The following AHI1 variants were observed in gnomAD, a reference collection of about 807,000 sequenced individuals.
AHI1 encodes the protein jouberin.
AHI1 carries 123 observed loss-of-function variants against 149.3 expected under a neutral mutation model. The observed-to-expected ratio is 0.82, with a 90% CI of 0.71 to 0.96. AHI1 has a LOEUF of 0.96. AHI1 is among the 40% of genes least tolerant of loss of function. The pLI, the probability that AHI1 is intolerant of heterozygous loss-of-function variation, is 0.00. For missense variants in AHI1, 1,439 were observed against 1,422.7 expected (o/e 1.01, Z -0.18); for synonymous variants, 475 against 459.8 (o/e 1.03, Z -0.42).
At chr6:135,344,558 C>T (rs1790876782) in intron 24 of AHI1, among the ~76,000 whole-genome samples, 1 of 151,792 alleles carries the variant, frequency 6.6e-6, no homozygotes, top group African/African-American at 2.4e-5. Flanking sequence ...TGCAGAATGC[C>T]TATAGCTATG....
intron 22 of AHI1, among the ~76,000 whole-genome samples, chr6:135,402,166 A>G (rs1162093503): frequency 6.6e-6 from 1 of 152,214 alleles, no homozygotes; most frequent in Non-Finnish European, 1.5e-5. Context: ...AGAAGAGAAT[A>G]CAAGTGTTGG....
At chr6:135,367,126 T>C (rs1774303171) in intron 23 of AHI1, among the ~76,000 whole-genome samples, 1 of 152,216 alleles carries the variant, frequency 6.6e-6, no homozygotes, top group Non-Finnish European at 1.5e-5. Flanking sequence ...TGAAGCTTAG[T>C]TCCTCTGGAT....
chr6:135,383,640 GAA>G (rs925216703), intron 23 of AHI1, among the ~76,000 whole-genome samples: 1 of 150,142 alleles, frequency 6.7e-6, no homozygotes, highest in Non-Finnish European at 1.5e-5. Flanking sequence ...TGTATTATCA[GAA>G]AAAAAAAGTT....
intron 8 of AHI1, among the ~76,000 whole-genome samples, chr6:135,460,097 C>T (rs1278485686): frequency 1.3e-5 from 2 of 151,968 alleles, no homozygotes; most frequent in East Asian, 1.9e-4. Flanking sequence ...GTGGGAAGAT[C>T]GCTTGAACCT....
At chr6:135,377,628 TA>T (rs1214389308) in intron 23 of AHI1, among the ~76,000 whole-genome samples, 4 of 151,978 alleles carry the variant, frequency 2.6e-5, no homozygotes, top group African/African-American at 9.7e-5. Flanking sequence ...TACAGGCATG[TA>T]CCACCACACT....
At chr6:135,476,470 G>A (rs117497985) in intron 5 of AHI1, among the ~76,000 whole-genome samples, 2,014 of 151,016 alleles carry the variant, frequency 0.013, 24 homozygotes, top group Middle Eastern at 0.037. Context: ...GTGTTTGTTG[G>A]GTACAATGTT....
intron 11 of AHI1, among the ~76,000 whole-genome samples, chr6:135,450,672 T>C (rs1488014864): frequency 6.6e-6 from 1 of 152,222 alleles, no homozygotes; most frequent in Non-Finnish European, 1.5e-5. Context: ...ATACTTTCCA[T>C]AGATTAATTT....
At chr6:135,344,419 AT>A (rs1157448911) in intron 24 of AHI1, among the ~76,000 whole-genome samples, 1 of 150,990 alleles carries the variant, frequency 6.6e-6, no homozygotes. Flanking sequence ...TTTACAATTT[AT>A]TTTTATATAC....
chr6:135,363,892 G>T (rs1402147756), intron 23 of AHI1, among the ~76,000 whole-genome samples: 5 of 149,336 alleles, frequency 3.3e-5, no homozygotes, highest in African/African-American at 4.9e-5. Flanking sequence ...CGGACGGGGG[G>T]CTGACCCCCC....
intron 27 of AHI1, chr6:135,297,305 A>C (rs1354836172): frequency 2.6e-6 from 1 of 380,110 alleles, no homozygotes; most frequent in Non-Finnish European, 5.2e-6. Flanking sequence ...CAACTCCAAG[A>C]CACTAATCAG....
At chr6:135,338,725 TATC>T (rs1204515773) in intron 24 of AHI1, among the ~76,000 whole-genome samples, 2 of 152,204 alleles carry the variant, frequency 1.3e-5, no homozygotes, top group Admixed American at 6.5e-5. Context: ...TCTCTATTCT[TATC>T]ATCCCCTTGC....
At chr6:135,317,535 CT>C (rs1562488684) in intron 26 of AHI1, among the ~76,000 whole-genome samples, 1 of 150,934 alleles carries the variant, frequency 6.6e-6, no homozygotes, top group Non-Finnish European at 1.5e-5. Context: ...ATTTAAGAGG[CT>C]TTCTTTGTAT....
At position 135,465,900 on chromosome 6, in the gene AHI1, T is replaced by C. The variant is rs1376070546; in HGVS notation, c.663A>G (p.Ser221=). The C allele has an allele frequency of 2.5e-6, 4 of 1,587,042 alleles. No homozygotes were observed. The highest frequency in any genetic ancestry group is 3.4e-6 in the Non-Finnish European group (4 of 1,168,526). ...GTTTGTCATCATGGAATAAAGTATC[T>C]GAGGGAAAGTAAGTCAACTGTTCTT... ...KLKEQLTYFP[S]DTLFHDDKLS... is the part of the protein sequence containing the mutation. Residue 221 remains serine, a synonymous_variant, in exon 7 of 29, where the codon TCA becomes TCG. Transcript: ENST00000265602.
rs1270654737 is a variant in AHI1, at chr6:135,466,079, G to A, written c.484C>T (p.Gln162Ter). The A allele has an allele frequency of 1.2e-6, 2 of 1,613,888 alleles. No individual in the cohort carries two copies. Among genetic ancestry groups the A allele is most frequent in the Admixed American group, 3.3e-5 (2 of 60,000 alleles). The change falls in exon 7 of 29, where the codon CAG becomes TAG. Residue 162 changes from glutamine to a stop codon, truncating the protein, a stop_gained. Transcript: ENST00000265602. LOFTEE classifies it high-confidence loss of function. ...CTTTTCTGATGATCAACGCCTGGCT[G>A]TGGCTTTGTATGTGTTTTCTGGTGT... ...STHQKTHTKPQPGVDHQKSEK... is the reference protein window; with the variant it reads ...STHQKTHTKP
chr6:135,334,711 G>A (rs1370093549), intron 24 of AHI1, among the ~76,000 whole-genome samples: 1 of 152,140 alleles, frequency 6.6e-6, no homozygotes, highest in East Asian at 1.9e-4. Context: ...GATTTGTTAA[G>A]AGAAGAAAAA....
At chr6:135,361,484 G>A (rs1469916995) in intron 23 of AHI1, among the ~76,000 whole-genome samples, 1 of 151,988 alleles carries the variant, frequency 6.6e-6, no homozygotes, top group Admixed American at 6.6e-5. Context: ...TGAAATCTAG[G>A]TTAATAGCCA....
intron 15 of AHI1, among the ~76,000 whole-genome samples, chr6:135,433,690 A>G (rs1330114799): frequency 6.6e-6 from 1 of 152,016 alleles, no homozygotes; most frequent in East Asian, 1.9e-4. Context: ...GGGTTTAGAG[A>G]ATAGAATAGT....
At chr6:135,289,164 G>T (rs1450660005) in intron 28 of AHI1, among the ~76,000 whole-genome samples, 1 of 150,364 alleles carries the variant, frequency 6.7e-6, no homozygotes, top group East Asian at 1.9e-4. Flanking sequence ...TTTTTTTCTT[G>T]TTGAAAAAGC....
intron 17 of AHI1, among the ~76,000 whole-genome samples, chr6:135,430,308 A>G (rs1784472692): frequency 6.6e-6 from 1 of 151,952 alleles, no homozygotes; most frequent in South Asian, 2.1e-4. Context: ...ATCTTGTAAC[A>G]TTACATTTTT....
Sources: gnomAD v4.1 joint callset for allele counts (sites outside exome capture counted in the v4.1 genomes callset) on GRCh38, gnomAD v4.1.1 for gene constraint, MANE v1.5 for transcripts, NCBI Gene and HGNC (gene_info 2026-07-23, HGNC 2026-07-21) for gene names.